CLASP1: variants seen among roughly 807,000 people sequenced by gnomAD.
The protein encoded by CLASP1 is cytoplasmic linker associated protein 1, also known as CLIP-associating protein 1.
Under a neutral mutation model 192.3 loss-of-function variants are expected in CLASP1, and 38 were observed. The ratio of observed to expected loss-of-function variants is 0.20; its 90% CI spans 0.15 to 0.26. The LOEUF is 0.26. Ranked by LOEUF, CLASP1 falls within the 10% of genes least tolerant of loss-of-function variation. CLASP1 has a pLI of 1.00. For missense variants in CLASP1, 1,433 were observed against 1,932.5 expected, an observed-to-expected ratio of 0.74 and a Z score of 4.85; for synonymous variants, 691 against 712.8, an observed-to-expected ratio of 0.97 and a Z score of 0.49.
intron 34 of CLASP1, among the ~76,000 whole-genome samples, chr2:121,373,173 G>T (rs1390349478): frequency 6.6e-6 from 1 of 152,216 alleles, no homozygotes; most frequent in African/African-American, 2.4e-5. Flanking sequence ...GATAGTGAGT[G>T]AGTTCTCATA....
At chr2:121,614,074 T>C (rs1015167053) in intron 1 of CLASP1, among the ~76,000 whole-genome samples, 1 of 152,214 alleles carries the variant, frequency 6.6e-6, no homozygotes, top group African/African-American at 2.4e-5. Context: ...CATCATGTAG[T>C]GGCTGGAGCA....
intron 8 of CLASP1, among the ~76,000 whole-genome samples, chr2:121,484,323 C>T (rs1227206739): frequency 3.7e-4 from 56 of 152,216 alleles, no homozygotes. Context: ...CCTTCAGCTT[C>T]CCTCTGTGTT....
chr2:121,470,737 G>T, intron 8 of CLASP1: 1 of 408,842 alleles, frequency 2.4e-6, no homozygotes, highest in Non-Finnish European at 4.7e-6. Flanking sequence ...AAAAGTTCTT[G>T]ATGTATAGTG....
At chr2:121,603,143 A>G (rs1419318127) in intron 2 of CLASP1, 1 of 152,020 alleles carries the variant, frequency 6.6e-6, no homozygotes, top group Admixed American at 6.6e-5. Context: ...AATTCTGATA[A>G]CTCATTACCA....
chr2:121,506,585 C>T (rs2093956205), intron 7 of CLASP1, among the ~76,000 whole-genome samples: 1 of 152,096 alleles, frequency 6.6e-6, no homozygotes, highest in Non-Finnish European at 1.5e-5. Flanking sequence ...TGGGAGGTCA[C>T]GTATATGTGC....
At chr2:121,554,407 T>C (rs2058334118) in intron 2 of CLASP1, among the ~76,000 whole-genome samples, 1 of 147,566 alleles carries the variant, frequency 6.8e-6, no homozygotes, top group Non-Finnish European at 1.5e-5. Context: ...GCCCAGGAGT[T>C]TGAGACCAGC....
At chr2:121,451,127 G>C in intron 15 of CLASP1, 137 bp from the exon 16 acceptor site, 1 of 638,324 alleles carries the variant, frequency 1.6e-6, no homozygotes, top group Non-Finnish European at 2.7e-6. Context: ...GTTCCCACGT[G>C]GCTGGGCAAA....
At chr2:121,572,259 T>A (rs896315551) in intron 2 of CLASP1, among the ~76,000 whole-genome samples, 2 of 152,030 alleles carry the variant, frequency 1.3e-5, no homozygotes, top group African/African-American at 2.4e-5. Context: ...AAACCCCGTC[T>A]CTACTAAAAA....
chr2:121,598,902 A>G (rs7592838), intron 2 of CLASP1, among the ~76,000 whole-genome samples: 35,046 of 152,038 alleles, frequency 0.23, 6,059 homozygotes, highest in African/African-American at 0.48. Context: ...GTCTCACTCT[A>G]TTGCCCAGGC....
In CLASP1 at chr2:121,397,221, A is replaced by G. The variant is rs1406645666; in HGVS notation, c.3042T>C (p.Phe1014=). 4.3e-6 allele frequency: 7 copies of G among 1,613,966 alleles called. No individual in the cohort carries two copies. In the Middle Eastern group the frequency reaches 4.9e-4, roughly 114 times the overall value. Residue 1014 remains phenylalanine, a synonymous_variant, in exon 30 of 40, where the codon TTT becomes TTC. Transcript: ENST00000263710. Reference sequence around the variant, plus strand: ...CAAGCCTTGTCTCACTAGAGTTTACAAAATCTGTTGGATCCATCTGTCTGG... The same window carrying G: ...CAAGCCTTGTCTCACTAGAGTTTACGAAATCTGTTGGATCCATCTGTCTGG...
At chr2:121,447,548 G>T in intron 18 of CLASP1, 41 bp from the exon 19 acceptor site, 1 of 1,461,390 alleles carries the variant, frequency 6.8e-7, no homozygotes, top group Non-Finnish European at 9.2e-7. Context: ...GGACTACATA[G>T]AATTTTGAAA....
intron 8 of CLASP1, among the ~76,000 whole-genome samples, chr2:121,488,886 C>G (rs972174835): frequency 5.9e-5 from 9 of 152,166 alleles, no homozygotes; most frequent in African/African-American, 1.9e-4. Flanking sequence ...AGCCTGAATT[C>G]CAGGTGATAG....
intron 23 of CLASP1, among the ~76,000 whole-genome samples, chr2:121,417,351 A>T (rs1227833674): frequency 6.6e-6 from 1 of 152,146 alleles, no homozygotes; most frequent in Admixed American, 6.5e-5. Context: ...CCAATAAAGG[A>T]TTGAATTTTA....
intron 1 of CLASP1, among the ~76,000 whole-genome samples, chr2:121,644,740 C>T (rs1412621339): frequency 3.3e-5 from 5 of 152,014 alleles, no homozygotes; most frequent in African/African-American, 1.2e-4. Flanking sequence ...CCCAGCAGTT[C>T]GAGACCAGCA....
intron 29 of CLASP1, 134 bp from the exon 31 acceptor site, chr2:121,397,417 C>T (rs967589031): frequency 2.1e-5 from 15 of 726,810 alleles, no homozygotes; most frequent in South Asian, 5.6e-5. Flanking sequence ...ATAGTTTCCA[C>T]GTGGAGCGAC....
intron 2 of CLASP1, among the ~76,000 whole-genome samples, chr2:121,555,080 C>T (rs1237212572): frequency 1.3e-5 from 2 of 152,206 alleles, no homozygotes; most frequent in East Asian, 1.9e-4. Context: ...GAAAGCAACA[C>T]GGTCTGTGCA....
At chr2:121,506,091 TA>T (rs2093940774) in intron 7 of CLASP1, among the ~76,000 whole-genome samples, 1 of 152,150 alleles carries the variant, frequency 6.6e-6, no homozygotes, top group African/African-American at 2.4e-5. Flanking sequence ...ATTGTGATCA[TA>T]AAACAGGAGA....
At chr2:121,593,378 G>C (rs2105775394) in intron 2 of CLASP1, among the ~76,000 whole-genome samples, 1 of 152,252 alleles carries the variant, frequency 6.6e-6, no homozygotes, top group East Asian at 1.9e-4. Context: ...CCAGCACTTA[G>C]GGAGGCCCAG....
At chr2:121,604,663 G>T (rs1161424172) in intron 2 of CLASP1, among the ~76,000 whole-genome samples, 2 of 152,222 alleles carry the variant, frequency 1.3e-5, no homozygotes, top group East Asian at 3.9e-4. Context: ...GCAAGACTCG[G>T]TCTAAAAAAT....
Sources: allele counts gnomAD v4.1 joint callset (sites outside exome capture counted in the v4.1 genomes callset), GRCh38; gene constraint gnomAD v4.1.1; transcripts MANE v1.5; gene names NCBI Gene and HGNC (gene_info 2026-07-23, HGNC 2026-07-21).